IGSF10: variants seen among roughly 807,000 people sequenced by gnomAD.
The protein encoded by IGSF10 is immunoglobulin superfamily member 10.
In IGSF10, 126 loss-of-function variants were observed where a neutral mutation model predicts 128.2. That is an observed-to-expected ratio of 0.98 (90% CI 0.85 to 1.14). IGSF10 has a LOEUF of 1.14. Among genes scored for constraint, IGSF10 ranks in the 50% most tolerant of loss-of-function variants. IGSF10 has a pLI of 0.00. For synonymous variants in IGSF10, 1,185 were observed against 1,146.2 expected (o/e 1.03, Z -0.68); for missense variants, 3,295 against 3,149.8 (o/e 1.05, Z -1.10).
At chr3:151,433,849 G>A (rs2108502269), downstream of IGSF10, 1 of 152,748 alleles carries the variant, frequency 6.5e-6, no homozygotes, top group Admixed American at 6.5e-5. Flanking sequence ...GTCAGTCTTG[G>A]TTGTGTATTG....
the IGSF10 span, among the ~76,000 whole-genome samples, chr3:151,611,517 A>G: frequency 6.6e-6 from 1 of 152,202 alleles, no homozygotes; most frequent in East Asian, 1.9e-4. Flanking sequence ...AGAAAGAGAA[A>G]ACACGAGAGC....
chr3:151,548,258 G>A, the IGSF10 span, among the ~76,000 whole-genome samples: 1 of 152,176 alleles, frequency 6.6e-6, no homozygotes, highest in Admixed American at 6.5e-5. Context: ...GGCAAATAGA[G>A]AGGCCTCATG....
chr3:151,474,717 A>G, the IGSF10 span, among the ~76,000 whole-genome samples: 1 of 152,240 alleles, frequency 6.6e-6, no homozygotes, highest in Non-Finnish European at 1.5e-5. Flanking sequence ...TTTACAGAAG[A>G]AAGAGGTTTA....
Position 151,445,189 on chromosome 3 carries a change from T to C in IGSF10, c.4792A>G (p.Thr1598Ala). 6.2e-7 allele frequency: 1 copy of C among 1,614,262 alleles called. No homozygotes were observed. The highest frequency in any genetic ancestry group is 8.5e-7 in the Non-Finnish European group (1 of 1,180,046). The change falls in exon 6 of 8, where the codon ACA (threonine) becomes GCA (alanine). Residue 1598 changes from threonine to alanine, a missense_variant. Coordinates refer to ENST00000282466, the MANE Select transcript of IGSF10 (RefSeq NM_178822.5). ...KKPEVSMLATTGLSEATTLVS... is the reference protein window; with the variant it reads ...KKPEVSMLATAGLSEATTLVS... The stretch of plus-strand genomic sequence containing the variant: ...AGAGTGGTGGCCTCGGACAGGCCTG[T>C]AGTAGCCAACATGCTTACTTCTGGC...
the IGSF10 span, among the ~76,000 whole-genome samples, chr3:151,506,369 A>C: frequency 6.6e-6 from 1 of 152,200 alleles, no homozygotes; most frequent in Non-Finnish European, 1.5e-5. Context: ...TTTAGCTAAA[A>C]AACAGTAGGT....
In IGSF10 at chr3:151,457,061, G is replaced by A; in HGVS notation, c.289C>T (p.Pro97Ser). 6.2e-7 allele frequency: 1 copy of A among 1,614,120 alleles called. No homozygotes were observed. Among genetic ancestry groups the A allele is most frequent in the Admixed American group, 1.7e-5 (1 of 60,012 alleles). Residue 97 changes from proline (P) to serine (S), a missense_variant, in exon 4 of 8, where the codon CCT becomes TCT. Transcript: ENST00000282466. ...TGCAAATCTGAGAAGGTCTTGTCAG[G>A]GATTGTGTGAATGCCATTGCTGTGA... ...MLHSNGIHTI[P>S]DKTFSDLQAL...
intron 5 of IGSF10, among the ~76,000 whole-genome samples, chr3:151,449,545 A>ATATT (rs1721411961): frequency 1.3e-5 from 2 of 152,220 alleles, no homozygotes; most frequent in Non-Finnish European, 2.9e-5. Context: ...GGTACCCAGT[A>ATATT]AATATTAGTT....
chr3:151,484,676 C>T, the IGSF10 span, among the ~76,000 whole-genome samples: 3 of 149,934 alleles, frequency 2.0e-5, no homozygotes, highest in South Asian at 6.3e-4. Flanking sequence ...GAGTGGACCT[C>T]CATCAAACTC....
the IGSF10 span, among the ~76,000 whole-genome samples, chr3:151,559,537 T>G: frequency 6.6e-6 from 1 of 152,224 alleles, no homozygotes; most frequent in African/African-American, 2.4e-5. Flanking sequence ...TTTGGTTGTA[T>G]TGATAATTTT....
the IGSF10 span, among the ~76,000 whole-genome samples, chr3:151,616,568 A>C: frequency 6.6e-6 from 1 of 152,226 alleles, no homozygotes; most frequent in Non-Finnish European, 1.5e-5. Context: ...TAAACATAGA[A>C]AAGGCAGAAT....
chr3:151,604,972 A>G, the IGSF10 span, among the ~76,000 whole-genome samples: 1 of 152,198 alleles, frequency 6.6e-6, no homozygotes, highest in Non-Finnish European at 1.5e-5. Context: ...CATTAACATT[A>G]AACTCATGGC....
the IGSF10 span, among the ~76,000 whole-genome samples, chr3:151,558,018 A>ATATATATTATATATAAT: frequency 6.6e-5 from 1 of 15,220 alleles, no homozygotes; most frequent in Non-Finnish European, 1.1e-4. Flanking sequence ...ATATATATAT[A>ATATATATTATATATAAT]ATATATATAT....
At chr3:151,438,715 T>C in intron 7 of IGSF10, 118 bp from the exon 8 acceptor site, 1 of 693,666 alleles carries the variant, frequency 1.4e-6, no homozygotes, top group Non-Finnish European at 2.4e-6. Context: ...GAAAATTGTG[T>C]ATCTTTGAGG....
chr3:151,537,186 A>G, the IGSF10 span, among the ~76,000 whole-genome samples: 16 of 152,148 alleles, frequency 1.1e-4, no homozygotes, highest in African/African-American at 3.9e-4. Flanking sequence ...TTGATCTTGC[A>G]TTGTTACTTT....
At chr3:151,596,515 T>C in the IGSF10 span, among the ~76,000 whole-genome samples, 1 of 152,194 alleles carries the variant, frequency 6.6e-6, no homozygotes, top group Non-Finnish European at 1.5e-5. Flanking sequence ...ATGTGTTTTC[T>C]ATGCATGTTC....
the IGSF10 span, among the ~76,000 whole-genome samples, chr3:151,511,315 A>G: frequency 1.3e-5 from 2 of 151,994 alleles, no homozygotes; most frequent in African/African-American, 4.8e-5. Context: ...AATATTCAAC[A>G]TTCTTAAAGA....
At chr3:151,589,819 T>C in the IGSF10 span, among the ~76,000 whole-genome samples, 1 of 152,202 alleles carries the variant, frequency 6.6e-6, no homozygotes, top group African/African-American at 2.4e-5. Flanking sequence ...ATCCTAGTCA[T>C]TCTTTTACTA....
chr3:151,532,081 A>G, the IGSF10 span, among the ~76,000 whole-genome samples: 2 of 152,222 alleles, frequency 1.3e-5, no homozygotes, highest in African/African-American at 2.4e-5. Flanking sequence ...AATCTAGAAG[A>G]AAAGAACAAA....
chr3:151,566,595 A>G, the IGSF10 span, among the ~76,000 whole-genome samples: 1 of 152,168 alleles, frequency 6.6e-6, no homozygotes, highest in Non-Finnish European at 1.5e-5. Context: ...TCATGCCAAG[A>G]GATAAACATT....
Sources: allele counts gnomAD v4.1 joint callset (sites outside exome capture counted in the v4.1 genomes callset), GRCh38; gene constraint gnomAD v4.1.1; transcripts MANE v1.5; gene names NCBI Gene and HGNC (gene_info 2026-07-23, HGNC 2026-07-21).